Variants in FOXP1 observed in about 807,000 individuals in gnomAD.
The protein encoded by FOXP1 is forkhead box protein P1.
Under a neutral mutation model 98.2 loss-of-function variants are expected in FOXP1, and 15 were observed. That is an observed-to-expected ratio of 0.15 (90% CI 0.10 to 0.24). The LOEUF is 0.24. FOXP1 is among the 10% of genes least tolerant of loss of function. The pLI, the probability that FOXP1 is intolerant of heterozygous loss-of-function variation, is 1.00. For synonymous variants in FOXP1, 371 were observed against 314.5 expected (o/e 1.18, Z -1.90); for missense variants, 633 against 848.5 (o/e 0.75, Z 3.15).
intron 2 of FOXP1, among the ~76,000 whole-genome samples, chr3:71,540,011 C>G (rs1274902554): frequency 6.6e-6 from 1 of 152,194 alleles, no homozygotes; most frequent in African/African-American, 2.4e-5. Flanking sequence ...TTATCAGTAG[C>G]AGAAAACACT....
intron 4 of FOXP1, among the ~76,000 whole-genome samples, chr3:71,312,874 C>T (rs1408257818): frequency 6.6e-6 from 1 of 151,970 alleles, no homozygotes; most frequent in Non-Finnish European, 1.5e-5. Context: ...GCCTGTAGTC[C>T]CAGGTACTCA....
chr3:71,182,502 A>G (rs12631530), intron 6 of FOXP1, among the ~76,000 whole-genome samples: 57,501 of 133,182 alleles, frequency 0.43, 13,044 homozygotes, highest in Middle Eastern at 0.57. Context: ...AACTATATAT[A>G]TGTGTGTGTG....
chr3:71,276,714 G>A (rs2070934464), intron 5 of FOXP1, among the ~76,000 whole-genome samples: 1 of 152,096 alleles, frequency 6.6e-6, no homozygotes, highest in African/African-American at 2.4e-5. Context: ...AGAGCGATGG[G>A]CACATCTGTC....
intron 2 of FOXP1, among the ~76,000 whole-genome samples, chr3:71,525,074 CT>C: frequency 6.6e-6 from 1 of 152,314 alleles, no homozygotes; most frequent in Middle Eastern, 3.4e-3. Context: ...ATAAAAAACT[CT>C]TGGTATATGC....
At chr3:71,162,382 T>C (rs961691596) in intron 6 of FOXP1, among the ~76,000 whole-genome samples, 22 of 152,222 alleles carry the variant, frequency 1.4e-4, no homozygotes, top group African/African-American at 4.6e-4. Flanking sequence ...ACAGCCTTTG[T>C]TCATACATCT....
At chr3:71,131,933 G>A (rs543691103) in intron 6 of FOXP1, among the ~76,000 whole-genome samples, 1 of 152,330 alleles carries the variant, frequency 6.6e-6, no homozygotes, top group South Asian at 2.1e-4. Context: ...TCCCTTCTGA[G>A]TCTCACAGTG....
chr3:71,100,286 T>C (rs899399167), intron 7 of FOXP1, among the ~76,000 whole-genome samples: 13 of 152,222 alleles, frequency 8.5e-5, no homozygotes, highest in African/African-American at 3.1e-4. Context: ...GGTGTGTAAT[T>C]CTATGTGGTT....
Position 71,420,277 on chromosome 3 carries a change from G to C in FOXP1, c.-167-61033C>G, listed in dbSNP as rs77317104. ...TTATACTACAAATGTATAAAGAGGA[G>C]GCAAAAATGAGGGTGTGGAGTTTGA... is the stretch of plus-strand genomic sequence containing the variant. On this transcript the variant is annotated intron_variant, in intron 3 of 20. Coordinates refer to ENST00000649528, the MANE Select transcript of FOXP1 (RefSeq NM_001349338.3). Among the ~76,000 whole-genome samples, 960 of 152,228 alleles carry C rather than the reference G, an allele frequency of 6.3e-3. 11 individuals carry two copies. The highest frequency in any genetic ancestry group is 0.022 in the African/African-American group (932 of 41,520).
chr3:71,147,481 C>G lies in FOXP1; in HGVS notation c.181-34844G>C, dbSNP rs554263205. 4.6e-5 allele frequency among the ~76,000 whole-genome samples: 7 copies of G among 152,294 alleles called. No homozygotes were observed. The East Asian group carries it at 1.2e-3, about 25-fold the overall frequency. On this transcript the variant is annotated intron_variant, in intron 6 of 20. Coordinates refer to ENST00000649528, the MANE Select transcript of FOXP1 (RefSeq NM_001349338.3). ...CTTATATCTCAACACAGCTGGAACC[C>G]GAAGATGTTAGCTGATCTTATCACC...
chr3:71,438,946 G>C (rs951927211), intron 3 of FOXP1, among the ~76,000 whole-genome samples: 13 of 151,216 alleles, frequency 8.6e-5, no homozygotes, highest in Admixed American at 4.6e-4. Flanking sequence ...GCAGGGACAG[G>C]AGCTCTTCGG....
At chr3:70,967,411 T>A (rs572736770) in intron 19 of FOXP1, among the ~76,000 whole-genome samples, 1 of 152,196 alleles carries the variant, frequency 6.6e-6, no homozygotes, top group Non-Finnish European at 1.5e-5. Context: ...AGCTCGGCCC[T>A]ATGTAAGCCC....
chr3:71,374,726 C>G (rs1320489221), intron 3 of FOXP1, among the ~76,000 whole-genome samples: 4 of 152,092 alleles, frequency 2.6e-5, no homozygotes, highest in African/African-American at 9.7e-5. Flanking sequence ...TATGCCTGTC[C>G]CAGTGTATCA....
intron 3 of FOXP1, among the ~76,000 whole-genome samples, chr3:71,385,702 G>A (rs541491641): frequency 7.2e-5 from 11 of 152,322 alleles, no homozygotes; most frequent in Admixed American, 7.2e-4. Flanking sequence ...GTATAGGTAT[G>A]TGTCTGAAGC....
At chr3:71,128,736 T>A (rs2059386925) in intron 6 of FOXP1, among the ~76,000 whole-genome samples, 1 of 152,084 alleles carries the variant, frequency 6.6e-6, no homozygotes, top group African/African-American at 2.4e-5. Context: ...CATTCCTAAG[T>A]GAACTGTCTA....
chr3:71,024,868 T>C (rs751996576), intron 11 of FOXP1, among the ~76,000 whole-genome samples: 6 of 152,222 alleles, frequency 3.9e-5, no homozygotes, highest in Non-Finnish European at 7.3e-5. Flanking sequence ...TTAGTTTTTG[T>C]TCCCCCCTTC....
chr3:71,322,414 G>T (rs1310002046), intron 4 of FOXP1, among the ~76,000 whole-genome samples: 2 of 151,952 alleles, frequency 1.3e-5, no homozygotes, highest in Non-Finnish European at 2.9e-5. Flanking sequence ...TTTCATCACT[G>T]CAGAAAGTTC....
At chr3:71,228,521 G>A (rs1273712954) in intron 5 of FOXP1, among the ~76,000 whole-genome samples, 2 of 152,182 alleles carry the variant, frequency 1.3e-5, no homozygotes, top group African/African-American at 4.8e-5. Flanking sequence ...GTCAGTGTCA[G>A]GAAGATGCGT....
chr3:70,979,252 C>T (rs2038259746), intron 14 of FOXP1, among the ~76,000 whole-genome samples: 1 of 117,932 alleles, frequency 8.5e-6, no homozygotes, highest in Non-Finnish European at 1.6e-5. Flanking sequence ...TGCATTCCAG[C>T]CTGGGTGATA....
At chr3:71,247,733 A>T (rs2067863864) in intron 5 of FOXP1, among the ~76,000 whole-genome samples, 1 of 152,098 alleles carries the variant, frequency 6.6e-6, no homozygotes, top group South Asian at 2.1e-4. Flanking sequence ...CCCATTCTCC[A>T]CTCTCAGTCC....
Sources: gnomAD v4.1 joint callset for allele counts (sites outside exome capture counted in the v4.1 genomes callset) on GRCh38, gnomAD v4.1.1 for gene constraint, MANE v1.5 for transcripts, NCBI Gene and HGNC (gene_info 2026-07-23, HGNC 2026-07-21) for gene names.